Variants in PTPRD observed in about 807,000 individuals in gnomAD.
PTPRD encodes receptor-type tyrosine-protein phosphatase delta.
PTPRD carries 34 observed loss-of-function variants against 214.5 expected under a neutral mutation model. The ratio of observed to expected loss-of-function variants is 0.16; its 90% CI spans 0.12 to 0.21. PTPRD has a LOEUF of 0.21. Ranked by LOEUF, PTPRD falls within the 10% of genes least tolerant of loss-of-function variation. PTPRD has a pLI of 1.00. For synonymous variants in PTPRD, 1,128 were observed against 845.7 expected, an observed-to-expected ratio of 1.33 and a Z score of -5.79; for missense variants, 2,545 against 2,398.7, an observed-to-expected ratio of 1.06 and a Z score of -1.27.
At chr9:9,540,162 C>T (rs913197484) in intron 8 of PTPRD, among the ~76,000 whole-genome samples, 2 of 151,810 alleles carry the variant, frequency 1.3e-5, no homozygotes, top group East Asian at 1.9e-4. Context: ...TCTTAGTACT[C>T]CATCACTTGG....
At chr9:9,729,054 CT>C (rs1282071941) in intron 7 of PTPRD, among the ~76,000 whole-genome samples, 1 of 152,124 alleles carries the variant, frequency 6.6e-6, no homozygotes, top group Non-Finnish European at 1.5e-5. Flanking sequence ...CAAAATATGT[CT>C]TTGGAAACGT....
chr9:9,405,356 A>G (rs2072861304), intron 8 of PTPRD, among the ~76,000 whole-genome samples: 1 of 152,050 alleles, frequency 6.6e-6, no homozygotes, highest in African/African-American at 2.4e-5. Context: ...CTCGAGGGTT[A>G]CCAATTACCA....
At chr9:8,716,761 T>A (rs2098441021) in intron 12 of PTPRD, among the ~76,000 whole-genome samples, 1 of 152,092 alleles carries the variant, frequency 6.6e-6, no homozygotes, top group African/African-American at 2.4e-5. Context: ...ACACAAACTT[T>A]CGAAACAGTT....
At chr9:10,493,639 T>G (rs1188658381) in intron 2 of PTPRD, among the ~76,000 whole-genome samples, 3 of 152,110 alleles carry the variant, frequency 2.0e-5, no homozygotes, top group African/African-American at 7.2e-5. Context: ...TGTTGAGGAC[T>G]GTGTTTGCCT....
chr9:10,256,571 T>C (rs1243161130), intron 3 of PTPRD, among the ~76,000 whole-genome samples: 1 of 152,176 alleles, frequency 6.6e-6, no homozygotes, highest in Admixed American at 6.5e-5. Context: ...TTTTGTCAAG[T>C]GGTTTTTTAT....
intron 3 of PTPRD, among the ~76,000 whole-genome samples, chr9:10,251,745 A>C (rs577712869): frequency 6.6e-6 from 1 of 152,182 alleles, no homozygotes; most frequent in Non-Finnish European, 1.5e-5. Flanking sequence ...CCACTTGCTC[A>C]TATCGCAATG....
intron 2 of PTPRD, among the ~76,000 whole-genome samples, chr9:10,546,736 G>T (rs1391379647): frequency 2.0e-5 from 3 of 151,904 alleles, no homozygotes; most frequent in Non-Finnish European, 4.4e-5. Flanking sequence ...CTATAGAAAG[G>T]GTTCTAGCAA....
chr9:10,213,812 G>C (rs187937784), intron 3 of PTPRD, among the ~76,000 whole-genome samples: 15 of 152,046 alleles, frequency 9.9e-5, no homozygotes, highest in Non-Finnish European at 1.5e-4. Flanking sequence ...ATATACATAA[G>C]ACTTCCTATA....
intron 4 of PTPRD, among the ~76,000 whole-genome samples, chr9:9,988,492 T>A (rs62536940): frequency 1.3e-5 from 2 of 152,208 alleles, no homozygotes; most frequent in Non-Finnish European, 2.9e-5. Flanking sequence ...AGATTTGGTA[T>A]CTGTATTTTT....
chr9:10,064,469 ATATCTACT>A (rs1439006145), intron 3 of PTPRD, among the ~76,000 whole-genome samples: 1 of 151,944 alleles, frequency 6.6e-6, no homozygotes, highest in Admixed American at 6.6e-5. Flanking sequence ...TTTATCTCTG[ATATCTACT>A]TTTCTCTTCC....
At chr9:8,562,432 AT>A (rs575998017) in intron 14 of PTPRD, among the ~76,000 whole-genome samples, 23 of 151,056 alleles carry the variant, frequency 1.5e-4, no homozygotes, top group African/African-American at 4.6e-4. Context: ...TTATTTATTT[AT>A]TTTATTTTAT....
intron 9 of PTPRD, among the ~76,000 whole-genome samples, chr9:9,373,855 T>C (rs910608374): frequency 1.3e-5 from 2 of 152,168 alleles, no homozygotes; most frequent in African/African-American, 4.8e-5. Context: ...TTTTACATTT[T>C]ATATTGGAAT....
At chr9:9,252,303 G>A (rs1412165268) in intron 9 of PTPRD, among the ~76,000 whole-genome samples, 1 of 151,990 alleles carries the variant, frequency 6.6e-6, no homozygotes, top group Admixed American at 6.6e-5. Flanking sequence ...TTTGTATCAG[G>A]AAGAGAAGAA....
chr9:9,007,685 T>C (rs1226947264), intron 11 of PTPRD, among the ~76,000 whole-genome samples: 1 of 150,142 alleles, frequency 6.7e-6, no homozygotes, highest in African/African-American at 2.4e-5. Flanking sequence ...TTTCTGGGAA[T>C]TCCATTTACC....
chr9:8,899,436 A>G (rs1017045165), intron 11 of PTPRD, among the ~76,000 whole-genome samples: 1 of 152,186 alleles, frequency 6.6e-6, no homozygotes, highest in Non-Finnish European at 1.5e-5. Context: ...GTTCAACTAG[A>G]GATCGGCATA....
intron 9 of PTPRD, among the ~76,000 whole-genome samples, chr9:9,333,500 T>TATATTTTATATATATATATA (rs945082238): frequency 0.016 from 1,551 of 98,890 alleles, 50 homozygotes; most frequent in African/African-American, 0.087. Flanking sequence ...TATTATATAG[T>TATATTTTATATATATATATA]ATATTATATA....
chr9:8,488,941 A>AT (rs140798872), intron 27 of PTPRD, among the ~76,000 whole-genome samples: 8,905 of 152,228 alleles, frequency 0.058, 866 homozygotes, highest in African/African-American at 0.2. Flanking sequence ...ATTTATTAAA[A>AT]TTTTTTGAAA....
rs1181650128 is a variant in PTPRD at position 10,450,659 on chromosome 9, TG to T, written c.-599-109643del. Among the ~76,000 whole-genome samples, 6 of 152,014 alleles carry T rather than the reference TG, an allele frequency of 3.9e-5. 1 individual carries two copies. Among genetic ancestry groups the T allele is most frequent in the African/African-American group, 1.5e-4 (6 of 41,266 alleles). ...TTGATCATATATTTTACTGTCTTGT[TG>T]TTTGGCAAATGTGCTTTCCTCAGTC... On this transcript the variant is annotated intron_variant, in intron 2 of 45. Coordinates refer to ENST00000381196, the MANE Select transcript of PTPRD (RefSeq NM_002839.4).
At chr9:9,348,468 G>C (rs2049791055) in intron 9 of PTPRD, among the ~76,000 whole-genome samples, 1 of 152,082 alleles carries the variant, frequency 6.6e-6, no homozygotes, top group Non-Finnish European at 1.5e-5. Context: ...GTAATGTTAA[G>C]AATAAAGGAC....
Sources: allele counts gnomAD v4.1 joint callset (sites outside exome capture counted in the v4.1 genomes callset), GRCh38; gene constraint gnomAD v4.1.1; transcripts MANE v1.5; gene names NCBI Gene and HGNC (gene_info 2026-07-23, HGNC 2026-07-21).